The following RP1 variants were observed in gnomAD, a reference collection of about 807,000 sequenced individuals.
RP1 encodes oxygen-regulated protein 1.
A neutral mutation model predicts 14.8 loss-of-function variants in RP1; 16 were observed. The observed-to-expected ratio is 1.08, with a 90% confidence interval of 0.73 to 1.65. The LOEUF (loss-of-function observed/expected upper bound fraction) is 1.65. Among genes scored for constraint, RP1 ranks in the 40% most tolerant of loss-of-function variants. RP1 has a pLI of 0.00. For missense variants in RP1, 2,631 were observed against 2,535.0 expected (o/e 1.04, Z -0.81); for synonymous variants, 876 against 883.6 (o/e 0.99, Z 0.15).
At chr8:54,712,041 A>G (rs1808303946) in intron 15 of RP1, among the ~76,000 whole-genome samples, 2 of 152,152 alleles carry the variant, frequency 1.3e-5, no homozygotes, top group East Asian at 1.9e-4. Context: ...TCTTGGAGTC[A>G]CTGTGTGATA....
At chr8:54,801,643 C>T (rs1185658208) in intron 24 of RP1, among the ~76,000 whole-genome samples, 2 of 152,140 alleles carry the variant, frequency 1.3e-5, no homozygotes, top group Non-Finnish European at 2.9e-5. Flanking sequence ...CCTCAACCTT[C>T]CCTGCAAGTG....
At chr8:54,746,800 T>C (rs1410253431) in intron 19 of RP1, among the ~76,000 whole-genome samples, 1 of 152,206 alleles carries the variant, frequency 6.6e-6, no homozygotes, top group Non-Finnish European at 1.5e-5. Flanking sequence ...TTTCTTACTA[T>C]AAAATAGGGC....
intron 26 of RP1, among the ~76,000 whole-genome samples, chr8:54,855,638 G>A (rs778192893): frequency 3.3e-5 from 5 of 152,090 alleles, no homozygotes; most frequent in Admixed American, 6.5e-5. Context: ...AAACCACAGA[G>A]CAACAAGAAA....
intron 1 of RP1, among the ~76,000 whole-genome samples, chr8:54,581,619 G>C (rs1272991792): frequency 1.3e-4 from 20 of 152,198 alleles, no homozygotes; most frequent in Non-Finnish European, 4.4e-5. Flanking sequence ...TACAGTCCCA[G>C]TAACAGTGTA....
At chr8:54,696,695 AT>A in intron 12 of RP1, 3 of 718,438 alleles carry the variant, frequency 4.2e-6, no homozygotes, top group Non-Finnish European at 7.4e-6. Flanking sequence ...TGATGGTGTG[AT>A]TTTACTGGTG....
At position 54,624,816 on chromosome 8, in the gene RP1, A is replaced by G. The variant is rs1252263532; in HGVS notation, c.934A>G (p.Ile312Val). Residue 312 changes from isoleucine to valine, a missense_variant, in exon 4 of 4, where the codon ATA becomes GTA. Coordinates refer to ENST00000220676, the MANE Select transcript of RP1 (RefSeq NM_006269.2). ...LEKNDSQNLP[I>V]YPSEDDIEKS... ...AAAGAATGATTCTCAGAATTTACCA[A>G]TATATCCTTCTGAAGATGATATTGA... 4.3e-6 allele frequency: 7 copies of G among 1,613,970 alleles called. No homozygotes were observed. Among genetic ancestry groups the G allele is most frequent in the Admixed American group, 1.7e-5 (1 of 60,014 alleles).
At chr8:54,641,101 C>T (rs181664956) in intron 3 of RP1, among the ~76,000 whole-genome samples, 5 of 151,836 alleles carry the variant, frequency 3.3e-5, no homozygotes, top group Admixed American at 6.6e-5. Flanking sequence ...CCCGCCACCA[C>T]GCCTGGCTAA....
chr8:54,611,517 T>A (rs886428625), upstream of RP1, among the ~76,000 whole-genome samples: 3 of 152,230 alleles, frequency 2.0e-5, no homozygotes, highest in Non-Finnish European at 2.9e-5. Flanking sequence ...TTTGTACTTT[T>A]CTGCTCCAGA....
chr8:54,603,153 G>C lies in RP1; in HGVS notation c.-12-17802G>C, dbSNP rs376664663. Among the ~76,000 whole-genome samples, 399 of 152,238 alleles carry C rather than the reference G, an allele frequency of 2.6e-3. 7 individuals are homozygous for C. In the East Asian group the frequency reaches 0.042, roughly 16 times the overall value. Reference sequence around the variant, plus strand: ...ATGGTATTGCCTAGGTTTTCTTCTAGGGTTTTTATGGTTTTAGGTCTAACA... The same window carrying C: ...ATGGTATTGCCTAGGTTTTCTTCTACGGTTTTTATGGTTTTAGGTCTAACA... On this transcript the variant is annotated intron_variant, in intron 1 of 22. Coordinates refer to the RP1 transcript ENST00000636932.
At chr8:54,822,480 T>C (rs1811280398) in intron 24 of RP1, among the ~76,000 whole-genome samples, 1 of 152,258 alleles carries the variant, frequency 6.6e-6, no homozygotes, top group South Asian at 2.1e-4. Flanking sequence ...AAATTCCATC[T>C]CTTCTACATT....
At chr8:54,867,151 A>T (rs1812476400) in intron 28 of RP1, among the ~76,000 whole-genome samples, 1 of 152,114 alleles carries the variant, frequency 6.6e-6, no homozygotes, top group Non-Finnish European at 1.5e-5. Flanking sequence ...AGTGAGGGAC[A>T]CTCTTCAGAT....
intron 23 of RP1, among the ~76,000 whole-genome samples, chr8:54,778,977 A>G (rs999537429): frequency 6.6e-6 from 1 of 152,184 alleles, no homozygotes; most frequent in Non-Finnish European, 1.5e-5. Flanking sequence ...CTCACCACCT[A>G]AAATCTGGGG....
At chr8:54,732,514 A>G in intron 17 of RP1, among the ~76,000 whole-genome samples, 1 of 152,186 alleles carries the variant, frequency 6.6e-6, no homozygotes, top group East Asian at 1.9e-4. Context: ...AATAATAGGA[A>G]CTAAAGTTTT....
chr8:54,689,615 C>T (rs1807660815), intron 12 of RP1, among the ~76,000 whole-genome samples: 2 of 152,070 alleles, frequency 1.3e-5, no homozygotes, highest in Non-Finnish European at 2.9e-5. Context: ...CTCAGACTCA[C>T]TACACTCTTG....
intron 2 of RP1, 95 bp downstream of exon 2, chr8:54,621,676 A>G: frequency 3.2e-6 from 5 of 1,570,172 alleles, no homozygotes; most frequent in Non-Finnish European, 3.5e-6. Flanking sequence ...CCGGGAAGGA[A>G]ATCTTCCTTC....
At chr8:54,672,827 A>C (rs1174748357) in intron 7 of RP1, among the ~76,000 whole-genome samples, 1 of 152,128 alleles carries the variant, frequency 6.6e-6, no homozygotes, top group Non-Finnish European at 1.5e-5. Flanking sequence ...GTTCTTAACG[A>C]GTATGTCAGC....
chr8:54,807,188 A>C (rs1467883023), intron 24 of RP1, among the ~76,000 whole-genome samples: 1 of 152,228 alleles, frequency 6.6e-6, no homozygotes, highest in Non-Finnish European at 1.5e-5. Context: ...ACACAGCTTT[A>C]TGAGGCCAGG....
chr8:54,681,403 C>G (rs1291589693), intron 12 of RP1, among the ~76,000 whole-genome samples: 2 of 151,818 alleles, frequency 1.3e-5, no homozygotes, highest in Non-Finnish European at 2.9e-5. Flanking sequence ...TACCAGCACA[C>G]GTAGTCAGGT....
chr8:54,716,667 A>G (rs1808411684), intron 15 of RP1, among the ~76,000 whole-genome samples: 1 of 152,140 alleles, frequency 6.6e-6, no homozygotes, highest in Admixed American at 6.5e-5. Flanking sequence ...CCAGATCTCC[A>G]GTCCTCTCAA....
Sources: allele counts gnomAD v4.1 joint callset (sites outside exome capture counted in the v4.1 genomes callset), GRCh38; gene constraint gnomAD v4.1.1; transcripts MANE v1.5; gene names NCBI Gene and HGNC (gene_info 2026-07-23, HGNC 2026-07-21).